The following POLD3 variants were observed in gnomAD, a reference collection of about 807,000 sequenced individuals.
The protein encoded by POLD3 is DNA polymerase delta subunit 3.
A neutral mutation model predicts 58.2 loss-of-function variants in POLD3; 19 were observed. The ratio of observed to expected loss-of-function variants is 0.33; its 90% confidence interval spans 0.23 to 0.48. The LOEUF (loss-of-function observed/expected upper bound fraction) is 0.48. Ranked by LOEUF, POLD3 falls within the 20% of genes least tolerant of loss-of-function variation. The pLI is 0.99. For synonymous variants in POLD3, 172 were observed against 193.5 expected (o/e 0.89, Z 0.92); for missense variants, 504 against 545.5 (o/e 0.92, Z 0.76).
chr11:74,607,518 G>A (rs950820435), intron 3 of POLD3, among the ~76,000 whole-genome samples: 6 of 151,396 alleles, frequency 4.0e-5, no homozygotes, highest in Admixed American at 6.6e-5. Flanking sequence ...CACCCACCGC[G>A]GCCTCCCAAA....
intron 3 of POLD3, among the ~76,000 whole-genome samples, chr11:74,607,248 T>TATATATA (rs1565114139): frequency 1.4e-3 from 131 of 95,968 alleles, no homozygotes; most frequent in Middle Eastern, 5.7e-3. Flanking sequence ...TATTATATAT[T>TATATATA]TATTTATTTA....
chr11:74,612,875 T>C lies in POLD3; in HGVS notation c.260-3T>C. 6.2e-7 allele frequency: 1 copy of C among 1,606,394 alleles called. No individual in the cohort carries two copies. Among genetic ancestry groups the C allele is most frequent in the Non-Finnish European group, 8.5e-7 (1 of 1,177,608 alleles). ...ACTGACTGCTTTTCCTGTTGACTTG[T>C]AGCAGTGAAGTCCAAGCTAGCTGTG... On this transcript the variant is annotated splice_region_variant and splice_polypyrimidine_tract_variant and intron_variant, in intron 4 of 11. Coordinates refer to ENST00000263681, the MANE Select transcript of POLD3 (RefSeq NM_006591.3).
intron 7 of POLD3, 92 bp from the exon 8 acceptor site, chr11:74,625,316 C>A: frequency 9.7e-7 from 1 of 1,036,132 alleles, no homozygotes. Flanking sequence ...CTGCTCCTAA[C>A]ATATTACCTG....
intron 7 of POLD3, among the ~76,000 whole-genome samples, chr11:74,620,931 T>C (rs2032231700): frequency 1.3e-5 from 2 of 152,154 alleles, no homozygotes; most frequent in Admixed American, 6.5e-5. Flanking sequence ...TGACTTTTTT[T>C]TTTTTTTCAT....
At chr11:74,602,725 T>A (rs2031545255) in intron 2 of POLD3, among the ~76,000 whole-genome samples, 1 of 152,202 alleles carries the variant, frequency 6.6e-6, no homozygotes, top group Non-Finnish European at 1.5e-5. Flanking sequence ...TCTAATGGCT[T>A]CTTAAAGTCC....
At chr11:74,620,959 G>A (rs1030635491) in intron 7 of POLD3, among the ~76,000 whole-genome samples, 3 of 151,700 alleles carry the variant, frequency 2.0e-5, no homozygotes. Flanking sequence ...TTATGTAAGG[G>A]TGACAGTTTT....
At chr11:74,596,755 C>T (rs188379132) in intron 2 of POLD3, among the ~76,000 whole-genome samples, 12 of 152,244 alleles carry the variant, frequency 7.9e-5, no homozygotes, top group Middle Eastern at 3.4e-3. Context: ...CCCACATCTC[C>T]CCATTCCCCC....
At chr11:74,664,074 A>G (rs1448498360) in intron 4 of POLD3, among the ~76,000 whole-genome samples, 1 of 152,214 alleles carries the variant, frequency 6.6e-6, no homozygotes, top group Admixed American at 6.5e-5. Context: ...TGTAAATGAA[A>G]ATGACATTGA....
chr11:74,646,221 C>G (rs1046868681), downstream of POLD3, among the ~76,000 whole-genome samples: 1 of 152,196 alleles, frequency 6.6e-6, no homozygotes, highest in African/African-American at 2.4e-5. Flanking sequence ...GATCTGCCTG[C>G]CTCGGCCTCC....
At chr11:74,631,274 G>C (rs1174541471) in intron 9 of POLD3, among the ~76,000 whole-genome samples, 1 of 152,150 alleles carries the variant, frequency 6.6e-6, no homozygotes, top group African/African-American at 2.4e-5. Context: ...GAGTCAGGCA[G>C]ACCTGGGTTT....
chr11:74,626,263 A>G (rs2032431839), intron 8 of POLD3, among the ~76,000 whole-genome samples: 2 of 152,192 alleles, frequency 1.3e-5, no homozygotes, highest in Admixed American at 1.3e-4. Flanking sequence ...CTAGGAACAT[A>G]TGACTTGTAT....
chr11:74,639,045 C>T (rs1045199512), intron 11 of POLD3, among the ~76,000 whole-genome samples: 5 of 152,106 alleles, frequency 3.3e-5, no homozygotes, highest in Admixed American at 2.0e-4. Flanking sequence ...ATAAGAGGGA[C>T]GGAATGCTCC....
At chr11:74,613,621 C>G (rs2031986078) in intron 5 of POLD3, among the ~76,000 whole-genome samples, 1 of 152,136 alleles carries the variant, frequency 6.6e-6, no homozygotes, top group African/African-American at 2.4e-5. Flanking sequence ...GTAATAATGT[C>G]TCCTTTGTGG....
chr11:74,620,158 T>C, intron 7 of POLD3, 69 bp downstream of exon 7: 1 of 1,180,724 alleles, frequency 8.5e-7, no homozygotes, highest in Non-Finnish European at 1.3e-6. Context: ...ATACCTGAAG[T>C]GAAAGCCACT....
intron 2 of POLD3, among the ~76,000 whole-genome samples, chr11:74,596,907 G>A (rs1220000951): frequency 1.3e-5 from 2 of 152,124 alleles, no homozygotes; most frequent in African/African-American, 4.8e-5. Context: ...TCTCTTCCAG[G>A]TTCATCCATT....
At chr11:74,598,005 C>T (rs1219393186) in intron 2 of POLD3, among the ~76,000 whole-genome samples, 1 of 151,790 alleles carries the variant, frequency 6.6e-6, no homozygotes, top group African/African-American at 2.4e-5. Flanking sequence ...TGTCTGAGCC[C>T]GGGAGTTCAA....
chr11:74,604,445 T>G (rs2031606429), intron 2 of POLD3: 1 of 370,588 alleles, frequency 2.7e-6, no homozygotes, highest in Non-Finnish European at 4.9e-6. Context: ...TGGTCTATTA[T>G]TAATCTTATT....
At chr11:74,602,978 A>G (rs377402336) in intron 2 of POLD3, among the ~76,000 whole-genome samples, 16 of 152,110 alleles carry the variant, frequency 1.1e-4, no homozygotes, top group African/African-American at 3.1e-4. Flanking sequence ...CCTTATATAA[A>G]ATAGCAAAAC....
chr11:74,636,765 C>T (rs952338867), intron 11 of POLD3, among the ~76,000 whole-genome samples: 5 of 151,934 alleles, frequency 3.3e-5, no homozygotes, highest in Admixed American at 6.6e-5. Context: ...GTATTTGGTT[C>T]CATTTGTTCT....
Sources: gnomAD v4.1 joint callset for allele counts (sites outside exome capture counted in the v4.1 genomes callset) on GRCh38, gnomAD v4.1.1 for gene constraint, MANE v1.5 for transcripts, NCBI Gene and HGNC (gene_info 2026-07-23, HGNC 2026-07-21) for gene names.